Variants in TEAD4 observed in about 807,000 individuals in gnomAD.
The protein encoded by TEAD4 is TEA domain transcription factor 4.
In TEAD4, 36 loss-of-function variants were observed where a neutral mutation model predicts 52.4. The observed-to-expected ratio is 0.69, with a 90% CI of 0.53 to 0.91. TEAD4 has a LOEUF of 0.91. Among genes scored for constraint, TEAD4 ranks in the 40% least tolerant of loss-of-function variants. TEAD4 has a pLI of 0.00. For missense variants in TEAD4, 508 were observed against 583.9 expected, an observed-to-expected ratio of 0.87 and a Z score of 1.34; for synonymous variants, 220 against 231.0, an observed-to-expected ratio of 0.95 and a Z score of 0.43.
At chr12:3,040,296 T>C in intron 12 of TEAD4, 37 bp downstream of exon 12, 3 of 1,613,974 alleles carry the variant, frequency 1.9e-6, no homozygotes, top group Non-Finnish European at 2.5e-6. Flanking sequence ...CTGGAGTCTG[T>C]GTGTGGGTAG....
In TEAD4 at chr12:3,018,742, C is replaced by T. The variant is rs1362513616; in HGVS notation, c.527+154C>T. On this transcript the variant is annotated intron_variant, in intron 7 of 12. Transcript: ENST00000359864. ...CTCTGAGCTCAGGGATTGGGCTCTT[C>T]TACTGTCAGCCATCACTGGGCTCAT... is the stretch of plus-strand genomic sequence containing the variant. Among the ~76,000 whole-genome samples the T allele has an allele frequency of 2.0e-5, 3 of 152,216 alleles. No individual in the cohort carries two copies. In the East Asian group the frequency reaches 5.8e-4, roughly 29 times the overall value.
chr12:2,981,754 T>C (rs2098234264), intron 2 of TEAD4, among the ~76,000 whole-genome samples: 3 of 152,108 alleles, frequency 2.0e-5, no homozygotes, highest in Admixed American at 2.0e-4. Context: ...GACTTGGGGC[T>C]CAGGAGATGG....
At chr12:2,990,753 A>G (rs2098242375) in intron 2 of TEAD4, among the ~76,000 whole-genome samples, 1 of 152,182 alleles carries the variant, frequency 6.6e-6, no homozygotes, top group African/African-American at 2.4e-5. Context: ...GGCATGAGCC[A>G]CTTCGCCTGG....
At chr12:3,027,737 C>G (rs748780480) in intron 10 of TEAD4, among the ~76,000 whole-genome samples, 1 of 152,070 alleles carries the variant, frequency 6.6e-6, no homozygotes, top group Non-Finnish European at 1.5e-5. Flanking sequence ...CATGGTGGTG[C>G]GTGCCTGTAA....
chr12:3,016,950 G>C (rs1333664948), intron 5 of TEAD4: 2 of 384,550 alleles, frequency 5.2e-6, no homozygotes, highest in East Asian at 1.5e-4. Flanking sequence ...ACTGAGGCAG[G>C]AGGGGCCACA....
intron 10 of TEAD4, among the ~76,000 whole-genome samples, chr12:3,024,736 C>CT (rs926217944): frequency 2.6e-5 from 4 of 152,030 alleles, no homozygotes; most frequent in South Asian, 2.1e-4. Flanking sequence ...TCTTGTACAA[C>CT]TTTTTTTTCC....
At chr12:3,009,221 A>T (rs2098258280) in intron 3 of TEAD4, among the ~76,000 whole-genome samples, 1 of 152,234 alleles carries the variant, frequency 6.6e-6, no homozygotes, top group Non-Finnish European at 1.5e-5. Flanking sequence ...TGAGGTCAGG[A>T]GTTCGAGACC....
chr12:2,968,412 T>TTTTTTTA (rs2098222332), intron 2 of TEAD4, among the ~76,000 whole-genome samples: 1 of 133,368 alleles, frequency 7.5e-6, no homozygotes, highest in Non-Finnish European at 1.6e-5. Context: ...TTTTTTTTTT[T>TTTTTTTA]GTGAGACAGG....
rs2098245540 is a variant in TEAD4, at chr12:2,994,375, C to T, written c.-29-363C>T. On this transcript the variant is annotated intron_variant, in intron 2 of 12. Transcript: ENST00000359864. The surrounding 1 kb of genome is among the most constrained non-coding windows in gnomAD (Gnocchi z 4.7). ...ACAGGCGTGAGCCACAGCGCCCGGCCTGTACCATTTTGCATTCCCACCAAC... is the reference window on the plus strand; with the variant it reads ...ACAGGCGTGAGCCACAGCGCCCGGCTTGTACCATTTTGCATTCCCACCAAC... Among the ~76,000 whole-genome samples the T allele has an allele frequency of 6.6e-6, 1 of 152,212 alleles. No individual in the cohort carries two copies.
intron 3 of TEAD4, among the ~76,000 whole-genome samples, chr12:3,004,833 G>C (rs2098254557): frequency 6.6e-6 from 1 of 152,214 alleles, no homozygotes; most frequent in Non-Finnish European, 1.5e-5. Flanking sequence ...AGCTGGCCTG[G>C]AGGCAGGGAG....
rs2098282138 is a variant in TEAD4 at position 3,040,533 on chromosome 12, T to C, written c.*55T>C. On this transcript the variant is annotated 3_prime_UTR_variant, in exon 13 of 13. Coordinates refer to ENST00000359864, the MANE Select transcript of TEAD4 (RefSeq NM_003213.4). ...GACGTGTGTGCAGGAAACGGGGACGTGGGGAGGGGACCTGCAGGGGCAGCC... is the reference window on the plus strand; with the variant it reads ...GACGTGTGTGCAGGAAACGGGGACGCGGGGAGGGGACCTGCAGGGGCAGCC... 6 of 1,516,842 alleles carry C rather than the reference T, an allele frequency of 4.0e-6. No individual in the cohort carries two copies. In the South Asian group the frequency reaches 5.7e-5, roughly 14 times the overall value. 94.0% of individuals were successfully genotyped at this position (1,516,842 alleles called of 1,614,324 possible).
chr12:2,981,156 T>C (rs925991734), intron 2 of TEAD4, among the ~76,000 whole-genome samples: 7 of 152,216 alleles, frequency 4.6e-5, no homozygotes, highest in African/African-American at 1.7e-4. Context: ...TGTCCCTCAG[T>C]GTCCAGGGCA....
intron 10 of TEAD4, among the ~76,000 whole-genome samples, chr12:3,037,480 C>T (rs1565555175): frequency 6.6e-6 from 1 of 152,202 alleles, no homozygotes; most frequent in Non-Finnish European, 1.5e-5. Context: ...GAGCAGCATT[C>T]ACCCCTTCCA....
At chr12:2,972,505 T>A (rs2153952886) in intron 2 of TEAD4, among the ~76,000 whole-genome samples, 1 of 144,456 alleles carries the variant, frequency 6.9e-6, no homozygotes, top group African/African-American at 2.5e-5. Flanking sequence ...TTTTTTTTTT[T>A]TTTTTTTTTT....
chr12:3,036,365 A>G (rs943019418), intron 10 of TEAD4, among the ~76,000 whole-genome samples: 1 of 152,070 alleles, frequency 6.6e-6, no homozygotes, highest in Admixed American at 6.5e-5. Context: ...GCTATAGACA[A>G]TCAACACCCA....
At chr12:2,968,893 C>A (rs1015531788) in intron 2 of TEAD4, among the ~76,000 whole-genome samples, 3 of 152,072 alleles carry the variant, frequency 2.0e-5, no homozygotes, top group African/African-American at 7.2e-5. Context: ...TCGCCTCAAG[C>A]GATCCTCCAG....
At chr12:3,009,509 CA>C (rs1470279965) in intron 3 of TEAD4, among the ~76,000 whole-genome samples, 1 of 152,230 alleles carries the variant, frequency 6.6e-6, no homozygotes, top group Non-Finnish European at 1.5e-5. Context: ...ACCGTGCTCC[CA>C]AAGCTCATTG....
intron 2 of TEAD4, among the ~76,000 whole-genome samples, chr12:2,961,708 G>A (rs7964032): frequency 0.16 from 23,917 of 152,124 alleles, 2,156 homozygotes; most frequent in South Asian, 0.26. Context: ...CACAGTGCCT[G>A]GCACATCCCA....
intron 2 of TEAD4, among the ~76,000 whole-genome samples, chr12:2,962,346 A>ATATATATATATATT (rs1350931012): frequency 7.8e-6 from 1 of 128,062 alleles, no homozygotes; most frequent in Non-Finnish European, 1.6e-5. Flanking sequence ...ATATATATAT[A>ATATATATATATATT]TTTTTTGAGA....
Sources: allele counts gnomAD v4.1 joint callset (sites outside exome capture counted in the v4.1 genomes callset), GRCh38; gene constraint gnomAD v4.1.1; non-coding constraint Gnocchi (gnomAD v3.1); transcripts MANE v1.5; gene names NCBI Gene and HGNC (gene_info 2026-07-23, HGNC 2026-07-21).